MARCHF10: variants seen among roughly 807,000 people sequenced by gnomAD.
MARCHF10 encodes membrane associated ring-CH-type finger 10.
In MARCHF10, 64 loss-of-function variants were observed where a neutral mutation model predicts 76.2. That is an observed-to-expected ratio of 0.84 (90% CI 0.69 to 1.03). The LOEUF (loss-of-function observed/expected upper bound fraction) is 1.03, where lower values mean the gene tolerates loss of function less well. Ranked by LOEUF, MARCHF10 falls within the 50% of genes least tolerant of loss-of-function variation. The pLI is 0.00. For missense variants in MARCHF10, 875 were observed against 958.0 expected (o/e 0.91, Z 1.14); for synonymous variants, 340 against 357.5 (o/e 0.95, Z 0.55).
intron 7 of MARCHF10, among the ~76,000 whole-genome samples, chr17:62,723,792 C>T (rs758783841): frequency 2.6e-5 from 4 of 151,942 alleles, no homozygotes; most frequent in Non-Finnish European, 5.9e-5. Flanking sequence ...CAACCAAAAT[C>T]TACTCGTTTT....
intron 6 of MARCHF10, among the ~76,000 whole-genome samples, chr17:62,728,229 G>A (rs952090088): frequency 6.6e-6 from 1 of 151,756 alleles, no homozygotes; most frequent in African/African-American, 2.4e-5. Flanking sequence ...GGTCTCCATT[G>A]TTGCCAGGAC....
In MARCHF10 at chr17:62,725,079, C is replaced by A. The variant is rs550108131; in HGVS notation, c.1963G>T (p.Glu655Ter). 140 of 1,601,678 alleles carry A rather than the reference C, an allele frequency of 8.7e-5. 1 individual carries two copies. The East Asian group carries it at 3.0e-3, about 34-fold the overall frequency. ...TGACAGATGCGACACAAGTCTCCCT[C>A]CTCCTCGGAGTCCTCCTCCAGGAGA... ...ESLLEEDSEE[E>*]GDLCRICQIA... Residue 655 changes from glutamate to a stop codon, truncating the protein, a stop_gained, in exon 7 of 11, where the codon GAG becomes TAG. Coordinates refer to ENST00000311269, the MANE Select transcript of MARCHF10 (RefSeq NM_152598.4). LOFTEE classifies it high-confidence loss of function.
intron 4 of MARCHF10, among the ~76,000 whole-genome samples, chr17:62,756,432 T>G (rs2092045928): frequency 6.6e-6 from 1 of 152,096 alleles, no homozygotes; most frequent in Non-Finnish European, 1.5e-5. Context: ...GGCAACACAG[T>G]AAGACCCCAT....
chr17:62,788,919 C>A (rs879413456), intron 2 of MARCHF10, among the ~76,000 whole-genome samples: 1 of 151,274 alleles, frequency 6.6e-6, no homozygotes, highest in Non-Finnish European at 1.5e-5. Context: ...AAAAATTAGC[C>A]GGGCGCGGTG....
chr17:62,709,134 C>T (rs923634235), intron 9 of MARCHF10, among the ~76,000 whole-genome samples: 4 of 152,194 alleles, frequency 2.6e-5, no homozygotes, highest in Admixed American at 6.5e-5. Flanking sequence ...CTCATCTCCG[C>T]ACCTGGTACA....
Position 62,701,702 on chromosome 17 carries a change from G to A in MARCHF10, c.*1C>T. 6.2e-7 allele frequency: 1 copy of A among 1,614,128 alleles called. No individual in the cohort carries two copies. Among genetic ancestry groups the A allele is most frequent in the Non-Finnish European group, 8.5e-7 (1 of 1,180,040 alleles). On this transcript the variant is annotated 3_prime_UTR_variant, in exon 11 of 11. Coordinates refer to ENST00000311269, the MANE Select transcript of MARCHF10 (RefSeq NM_152598.4). The stretch of plus-strand genomic sequence containing the variant: ...GCCGAGCTCCACAGTTGGCTTCCTT[G>A]CTAGACGACCTGGCTTTGAGAAATG...
intron 5 of MARCHF10, chr17:62,737,647 A>G: frequency 3.2e-6 from 1 of 315,300 alleles, no homozygotes; most frequent in South Asian, 4.7e-5. Context: ...CAAACCTCAC[A>G]CTAAATACTG....
rs773688276 is a variant in MARCHF10, at chr17:62,701,619, G to A, written c.*84C>T. On this transcript the variant is annotated 3_prime_UTR_variant, in exon 11 of 11. Coordinates refer to ENST00000311269, the MANE Select transcript of MARCHF10 (RefSeq NM_152598.4). ...GCTTTGGTTTCAGTTTCAGTAAAGA[G>A]GAGGAGGGAGGGAGGCACTTGGGGA... The A allele has an allele frequency of 1.9e-6, 3 of 1,609,574 alleles. No homozygotes were observed. In the Admixed American group the frequency reaches 5.0e-5, roughly 27 times the overall value.
chr17:62,732,507 C>T (rs949886025), intron 6 of MARCHF10, among the ~76,000 whole-genome samples: 5 of 152,174 alleles, frequency 3.3e-5, no homozygotes, highest in African/African-American at 1.2e-4. Flanking sequence ...ATTTCATATT[C>T]ATAAGTGGGA....
intron 2 of MARCHF10, among the ~76,000 whole-genome samples, chr17:62,799,555 C>T (rs2093039158): frequency 6.6e-6 from 1 of 152,194 alleles, no homozygotes; most frequent in East Asian, 1.9e-4. Context: ...TGAGACCAGC[C>T]TGACCAACAT....
At chr17:62,704,246 C>T (rs896912291) in intron 10 of MARCHF10, among the ~76,000 whole-genome samples, 26 of 151,786 alleles carry the variant, frequency 1.7e-4, no homozygotes, top group Admixed American at 1.3e-4. Context: ...GGCGTTTTCC[C>T]CGGAGGTGCG....
At chr17:62,741,364 G>C (rs943900561) in intron 5 of MARCHF10, among the ~76,000 whole-genome samples, 1 of 152,158 alleles carries the variant, frequency 6.6e-6, no homozygotes, top group African/African-American at 2.4e-5. Context: ...CAAAAGGTAT[G>C]AACTTTCTAA....
intron 3 of MARCHF10, among the ~76,000 whole-genome samples, chr17:62,773,731 A>T (rs148934829): frequency 6.6e-6 from 1 of 152,282 alleles, no homozygotes; most frequent in East Asian, 1.9e-4. Flanking sequence ...GCTGAGGGAC[A>T]CTATGGCGTG....
intron 8 of MARCHF10, among the ~76,000 whole-genome samples, chr17:62,717,360 A>G (rs1427228283): frequency 6.6e-6 from 1 of 152,214 alleles, no homozygotes; most frequent in African/African-American, 2.4e-5. Flanking sequence ...GGCATTTCCC[A>G]AAGGCTCTGA....
rs761300443 is a variant in MARCHF10, at chr17:62,705,580, A to C, written c.2330T>G (p.Leu777Trp). The C allele has an allele frequency of 6.2e-7, 1 of 1,613,874 alleles. No individual in the cohort carries two copies. The highest frequency in any genetic ancestry group is 8.5e-7 in the Non-Finnish European group (1 of 1,179,976). Residue 777 changes from leucine to tryptophan, a missense_variant and splice_region_variant, in exon 10 of 11, where the codon TTG becomes TGG. Physicochemically the swap from Leu to Trp is moderately conservative, Grantham distance 61 (BLOSUM62 -2). Coordinates refer to ENST00000311269, the MANE Select transcript of MARCHF10 (RefSeq NM_152598.4). ...TCTGGGTTGTGGGTAATTTCTTGAC[A>C]ACTACAAGAAAGAAGACAATGAGAA... ...LNHNQVERERLSRNYPQPRTE... is the reference protein window; with the variant it reads ...LNHNQVERERWSRNYPQPRTE...
chr17:62,748,474 T>C (rs2091785008), intron 4 of MARCHF10, among the ~76,000 whole-genome samples: 1 of 152,082 alleles, frequency 6.6e-6, no homozygotes. Context: ...TGGTGGCTCA[T>C]GTCTGTAATC....
At chr17:62,735,783 A>C in intron 6 of MARCHF10, 148 bp downstream of exon 6, 1 of 664,566 alleles carries the variant, frequency 1.5e-6, no homozygotes. Context: ...GCAACAAAAC[A>C]GAGACAATTT....
chr17:62,807,314 G>A (rs565247584), intron 1 of MARCHF10, among the ~76,000 whole-genome samples: 1 of 151,770 alleles, frequency 6.6e-6, no homozygotes, highest in Admixed American at 6.6e-5. Flanking sequence ...AATTGGTTGG[G>A]AAAGGTAAGG....
chr17:62,741,962 T>C (rs1375703682), intron 5 of MARCHF10, among the ~76,000 whole-genome samples: 2 of 151,926 alleles, frequency 1.3e-5, no homozygotes, highest in African/African-American at 2.4e-5. Context: ...CCTCCCAGAG[T>C]GCTGGGATTA....
Sources: gnomAD v4.1 joint callset for allele counts (sites outside exome capture counted in the v4.1 genomes callset) on GRCh38, gnomAD v4.1.1 for gene constraint, MANE v1.5 for transcripts, NCBI Gene and HGNC (gene_info 2026-07-23, HGNC 2026-07-21) for gene names.